Variants in RPS6KA5 observed in about 807,000 individuals in gnomAD.
The protein encoded by RPS6KA5 is ribosomal protein S6 kinase A5.
A neutral mutation model predicts 85.5 loss-of-function variants in RPS6KA5; 27 were observed. The observed-to-expected ratio is 0.32, with a 90% CI of 0.23 to 0.44. The LOEUF is 0.44. RPS6KA5 is among the 20% of genes least tolerant of loss of function. The pLI, the probability that RPS6KA5 is intolerant of heterozygous loss-of-function variation, is 1.00. For missense variants in RPS6KA5, 811 were observed against 980.9 expected (o/e 0.83, Z 2.31); for synonymous variants, 334 against 348.2 (o/e 0.96, Z 0.46).
At chr14:90,975,831 A>T (rs2039539379) in intron 3 of RPS6KA5, among the ~76,000 whole-genome samples, 1 of 152,222 alleles carries the variant, frequency 6.6e-6, no homozygotes, top group South Asian at 2.1e-4. Context: ...TCAACTGCTG[A>T]AACAGGCACA....
In RPS6KA5 at chr14:90,899,340, A is replaced by C. The variant is rs2035026370; in HGVS notation, c.1462T>G (p.Phe488Val). The change falls in exon 12 of 17, where the codon TTT becomes GTT. Residue 488 changes from phenylalanine (F) to valine (V), a missense_variant. By Grantham distance (50) the Phe-to-Val change is conservative. Transcript: ENST00000614987. ...HPNIVKLHEV[F>V]HDQLHTFLVM... ...AAAAAGTAGGATACCTGATCATGAA[A>C]AACTTCATGCAACTTCACAATATTG... The C allele has an allele frequency of 1.2e-6, 2 of 1,606,234 alleles. No homozygotes were observed. Among genetic ancestry groups the C allele is most frequent in the Non-Finnish European group, 1.7e-6 (2 of 1,176,162 alleles).
At chr14:90,991,988 T>A (rs566009960) in intron 2 of RPS6KA5, among the ~76,000 whole-genome samples, 2 of 152,248 alleles carry the variant, frequency 1.3e-5, no homozygotes, top group East Asian at 3.9e-4. Context: ...TTTAAATATA[T>A]AGAAATTAAT....
rs969011971 is a variant in RPS6KA5 at position 90,854,105 on chromosome 14, T to C, written c.*17969A>G. On this transcript the variant is annotated 3_prime_UTR_variant, in exon 17 of 17. Transcript: ENST00000614987. ...CTATTAAAGTACCTAGAAAATAGAA[T>C]ATTTTTTCCTCTAAACTAAGATATC... 1.3e-5 allele frequency: 2 copies of C among 152,206 alleles called. No homozygotes were observed. Among genetic ancestry groups the C allele is most frequent in the Non-Finnish European group, 2.9e-5 (2 of 68,026 alleles). The allele number at this position is 152,206 out of a possible 1,614,324, so 9.4% of individuals were successfully genotyped here.
chr14:90,868,034 C>G lies in RPS6KA5; in HGVS notation c.*4040G>C, dbSNP rs527577823. 12 of 152,194 alleles carry G rather than the reference C, an allele frequency of 7.9e-5. No individual in the cohort carries two copies. The highest frequency in any genetic ancestry group is 2.9e-4 in the African/African-American group (12 of 41,536). 9.4% of individuals were successfully genotyped at this position (152,194 alleles called of 1,614,324 possible). ...ATCAAATGTTCTTAGCAAGATGTTG[C>G]CCCCCTGAAAATATGCTCCCCCAAT... On this transcript the variant is annotated 3_prime_UTR_variant, in exon 17 of 17. Coordinates refer to ENST00000614987, the MANE Select transcript of RPS6KA5 (RefSeq NM_004755.4).
intron 1 of RPS6KA5, among the ~76,000 whole-genome samples, chr14:91,039,460 T>C (rs1268157535): frequency 1.3e-5 from 2 of 152,122 alleles, no homozygotes; most frequent in South Asian, 2.1e-4. Flanking sequence ...TTGAGGAACA[T>C]ATGGAATGCC....
At chr14:91,057,422 T>C (rs1257625012) in intron 1 of RPS6KA5, among the ~76,000 whole-genome samples, 5 of 152,120 alleles carry the variant, frequency 3.3e-5, no homozygotes, top group Non-Finnish European at 4.4e-5. Flanking sequence ...TGCCAGGGGC[T>C]GCAAATAAAC....
In RPS6KA5 at chr14:90,868,422, CAT is replaced by C. The variant is rs1470647146; in HGVS notation, c.*3650_*3651del. On this transcript the variant is annotated 3_prime_UTR_variant, in exon 17 of 17. Transcript: ENST00000614987. ...GTAAGACATTTGAGAGGCCAAAAGT[CAT>C]ATAATTTTAAGATACTTCATGATGT... 6.6e-6 allele frequency: 1 copy of C among 152,074 alleles called. No homozygotes were observed. The highest frequency in any genetic ancestry group is 1.9e-4 in the East Asian group (1 of 5,202). The allele number at this position is 152,074 out of a possible 1,614,324, so 9.4% of individuals were successfully genotyped here. A position where few individuals can be genotyped will look rare whatever the true frequency, so the allele number is the denominator to read the frequency against.
intron 14 of RPS6KA5, among the ~76,000 whole-genome samples, chr14:90,889,685 AC>A (rs2034443153): frequency 6.6e-6 from 1 of 152,230 alleles, no homozygotes; most frequent in African/African-American, 2.4e-5. Flanking sequence ...AGTTTCAGAG[AC>A]TCAAAATACA....
At chr14:90,905,424 G>A (rs1312422314) in intron 8 of RPS6KA5, among the ~76,000 whole-genome samples, 1 of 152,192 alleles carries the variant, frequency 6.6e-6, no homozygotes, top group Non-Finnish European at 1.5e-5. Context: ...CATATCTCCA[G>A]AGTTTTAGAA....
chr14:90,998,817 A>G (rs1359345686), intron 2 of RPS6KA5, among the ~76,000 whole-genome samples: 1 of 152,180 alleles, frequency 6.6e-6, no homozygotes, highest in Non-Finnish European at 1.5e-5. Context: ...AGCTGTAAAG[A>G]TTGGGCCTAT....
Position 90,890,613 on chromosome 14 carries a change from C to T in RPS6KA5, c.1710G>A (p.Arg570=), listed in dbSNP as rs1030051811. 3 of 1,613,950 alleles carry T rather than the reference C, an allele frequency of 1.9e-6. No homozygotes were observed. The Admixed American group carries it at 5.0e-5, about 27-fold the overall frequency. The change falls in exon 14 of 17, where the codon CGG becomes CGA. Residue 570 remains arginine, a synonymous_variant. Transcript: ENST00000614987. ...EIKIIDFGFA[R]LKPPDNQPLK... ...GGGGCTGATTATCCGGTGGCTTTAGCCGTGCAAATCCAAAATCAATTATTT... is the reference window on the plus strand; with the variant it reads ...GGGGCTGATTATCCGGTGGCTTTAGTCGTGCAAATCCAAAATCAATTATTT...
Position 91,025,831 on chromosome 14 carries a change from G to A in RPS6KA5, c.104-24672C>T, listed in dbSNP as rs1385143051. ...TCTCTTAAAAAAAAAAAAAAAAGAT[G>A]AATTTATATAATGTGAAATTTTATT... On this transcript the variant is annotated intron_variant, in intron 1 of 16. Transcript: ENST00000614987. 2.0e-5 allele frequency among the ~76,000 whole-genome samples: 3 copies of A among 149,360 alleles called. 1 individual carries two copies. Among genetic ancestry groups the A allele is most frequent in the Non-Finnish European group, 4.4e-5 (3 of 67,420 alleles).
chr14:90,910,646 T>C (rs571411184), intron 7 of RPS6KA5, among the ~76,000 whole-genome samples: 8 of 151,542 alleles, frequency 5.3e-5, no homozygotes, highest in East Asian at 1.9e-4. Context: ...TTAGTAACAA[T>C]AGGCGATGCT....
At chr14:91,005,471 C>T (rs2040978305) in intron 1 of RPS6KA5, among the ~76,000 whole-genome samples, 1 of 152,124 alleles carries the variant, frequency 6.6e-6, no homozygotes, top group African/African-American at 2.4e-5. Context: ...TAAGTAAACA[C>T]ACATATGAGA....
intron 5 of RPS6KA5, among the ~76,000 whole-genome samples, chr14:90,929,749 T>C (rs1007138737): frequency 2.0e-5 from 3 of 151,722 alleles, no homozygotes; most frequent in African/African-American, 7.3e-5. Flanking sequence ...AAGCCAAGAA[T>C]AGAGAAGACA....
chr14:90,902,869 G>C lies in RPS6KA5; in HGVS notation c.1058C>G (p.Thr353Arg), dbSNP rs557893123. 6.2e-7 allele frequency: 1 copy of C among 1,614,082 alleles called. No individual in the cohort carries two copies. The highest frequency in any genetic ancestry group is 1.3e-5 in the African/African-American group (1 of 75,026). The change falls in exon 9 of 17, where the codon ACA becomes AGA. Residue 353 changes from threonine to arginine, a missense_variant. This residue lies in a region of RPS6KA5 where 650 missense variants were observed against 793.4 expected (regional missense o/e 0.82). Transcript: ENST00000614987. ...GGGAGAATAAGTGGGATCCATTTCT[G>C]TGAACTCTTCTGCAAAGTTACTCAC... ...LDVSNFAEEF[T>R]EMDPTYSPAA...
At chr14:90,989,217 TATA>T (rs1055396319) in intron 2 of RPS6KA5, among the ~76,000 whole-genome samples, 2 of 152,200 alleles carry the variant, frequency 1.3e-5, no homozygotes, top group African/African-American at 4.8e-5. Context: ...TAGGTATTAT[TATA>T]ATAACTTATG....
At chr14:90,993,486 CA>C (rs2040392770) in intron 2 of RPS6KA5, among the ~76,000 whole-genome samples, 1 of 152,096 alleles carries the variant, frequency 6.6e-6, no homozygotes, top group African/African-American at 2.4e-5. Flanking sequence ...AAAAGAACAA[CA>C]ACAACAACAA....
chr14:90,906,025 G>T, intron 8 of RPS6KA5, 124 bp downstream of exon 8: 3 of 909,580 alleles, frequency 3.3e-6, no homozygotes, highest in Non-Finnish European at 4.9e-6. Flanking sequence ...AAGGTGCAAT[G>T]TACGTGAAAA....
Sources: allele counts gnomAD v4.1 joint callset (sites outside exome capture counted in the v4.1 genomes callset), GRCh38; gene constraint gnomAD v4.1.1; regional missense constraint gnomAD v4.1.1; transcripts MANE v1.5; gene names NCBI Gene and HGNC (gene_info 2026-07-23, HGNC 2026-07-21).